The following FAM135A variants were observed in gnomAD, a reference collection of about 807,000 sequenced individuals.
FAM135A encodes the protein protein FAM135A.
A neutral mutation model predicts 146.8 loss-of-function variants in FAM135A; 79 were observed. The observed-to-expected ratio is 0.54, with a 90% CI of 0.45 to 0.65. The LOEUF is 0.65. Among genes scored for constraint, FAM135A ranks in the 30% least tolerant of loss-of-function variants. The pLI is 0.00. For missense variants in FAM135A, 1,623 were observed against 1,758.2 expected (o/e 0.92, Z 1.38); for synonymous variants, 562 against 603.6 (o/e 0.93, Z 1.01).
chr6:70,550,298 G>A (rs908721701), intron 20 of FAM135A, among the ~76,000 whole-genome samples: 2 of 152,082 alleles, frequency 1.3e-5, no homozygotes, highest in Non-Finnish European at 2.9e-5. Context: ...ATTTTACTTT[G>A]CTCAGATCCA....
chr6:70,418,307 CATTTT>C (rs1211559568), intron 2 of FAM135A: 1 of 152,130 alleles, frequency 6.6e-6, no homozygotes, highest in Non-Finnish European at 1.5e-5. Flanking sequence ...CTGGCTTGGT[CATTTT>C]ATTTAATTTA....
intron 12 of FAM135A, chr6:70,504,901 A>C (rs1459399942): frequency 6.6e-6 from 1 of 151,922 alleles, no homozygotes; most frequent in Non-Finnish European, 1.5e-5. Flanking sequence ...TGGAGGTTGC[A>C]GTGAGCTGAG....
chr6:70,524,726 G>A lies in FAM135A; in HGVS notation c.1642G>A (p.Glu548Lys). 6.5e-7 allele frequency: 1 copy of A among 1,549,692 alleles called. No individual in the cohort carries two copies. Among genetic ancestry groups the A allele is most frequent in the Non-Finnish European group, 8.7e-7 (1 of 1,146,412 alleles). The change falls in exon 15 of 22, where the codon GAA (glutamate) becomes AAA (lysine). Residue 548 changes from glutamate (E) to lysine (K), a missense_variant. Glu to Lys is a moderately conservative substitution (Grantham distance 56, BLOSUM62 1). Transcript: ENST00000418814. Reference protein sequence around the residue: ...FEGNPSHSQKEGLDPTICGYN... With the variant: ...FEGNPSHSQKKGLDPTICGYN... Reference sequence around the variant, plus strand: ...AGGCAATCCTTCACATAGTCAGAAGGAAGGTCTGGATCCCACAATATGTGG... The same window carrying A: ...AGGCAATCCTTCACATAGTCAGAAGAAAGGTCTGGATCCCACAATATGTGG...
intron 1 of FAM135A, chr6:70,414,062 C>T (rs931876100): frequency 7.1e-6 from 7 of 985,350 alleles, no homozygotes; most frequent in Non-Finnish European, 6.0e-6. Flanking sequence ...CCCTCCTTTA[C>T]CCGCTTTCGT....
At chr6:70,459,439 T>C (rs1778991040) in intron 5 of FAM135A, among the ~76,000 whole-genome samples, 1 of 152,174 alleles carries the variant, frequency 6.6e-6, no homozygotes, top group Admixed American at 6.5e-5. Context: ...GAAATATCTG[T>C]CATCTGCAAT....
chr6:70,414,821 A>C (rs949057628), intron 1 of FAM135A, among the ~76,000 whole-genome samples: 7 of 152,240 alleles, frequency 4.6e-5, no homozygotes, highest in Admixed American at 6.5e-5. Context: ...ACTTGAGTAC[A>C]GACTAAATGA....
At chr6:70,506,693 A>G (rs930422906) in intron 12 of FAM135A, among the ~76,000 whole-genome samples, 3 of 151,034 alleles carry the variant, frequency 2.0e-5, no homozygotes, top group Admixed American at 6.6e-5. Context: ...TGGGAAAGGT[A>G]ATCTTCAGGG....
At chr6:70,530,071 A>ATT (rs1795518031) in intron 16 of FAM135A, among the ~76,000 whole-genome samples, 1 of 152,160 alleles carries the variant, frequency 6.6e-6, no homozygotes, top group Non-Finnish European at 1.5e-5. Context: ...CTCAAAAAAA[A>ATT]AAATAATAAT....
intron 5 of FAM135A, among the ~76,000 whole-genome samples, chr6:70,455,892 G>A (rs1041481163): frequency 2.0e-5 from 3 of 151,812 alleles, no homozygotes; most frequent in African/African-American, 4.8e-5. Flanking sequence ...TTGCCCTATC[G>A]CCAGGCTGGA....
chr6:70,518,190 T>A (rs1216348286), intron 12 of FAM135A, among the ~76,000 whole-genome samples: 1 of 152,208 alleles, frequency 6.6e-6, no homozygotes, highest in African/African-American at 2.4e-5. Context: ...TTAGTAGTGA[T>A]GTGGGAAAAG....
chr6:70,512,021 T>A (rs1335443845), intron 12 of FAM135A, among the ~76,000 whole-genome samples: 1 of 151,968 alleles, frequency 6.6e-6, no homozygotes, highest in Non-Finnish European at 1.5e-5. Flanking sequence ...CTATATGAAC[T>A]TACTGAATTA....
chr6:70,491,136 T>C, intron 11 of FAM135A, 53 bp downstream of exon 11: 1 of 1,379,950 alleles, frequency 7.2e-7, no homozygotes, highest in Non-Finnish European at 1.0e-6. Flanking sequence ...GGTTTCTGTT[T>C]CCTATTCTAA....
At chr6:70,526,798 C>CT in intron 15 of FAM135A, 100 bp downstream of exon 15, 1 of 762,350 alleles carries the variant, frequency 1.3e-6, no homozygotes, top group Non-Finnish European at 2.0e-6. Flanking sequence ...CACACACACA[C>CT]ACACATATAT....
intron 4 of FAM135A, among the ~76,000 whole-genome samples, chr6:70,435,865 T>C (rs1194534021): frequency 2.0e-5 from 3 of 152,204 alleles, no homozygotes; most frequent in African/African-American, 7.2e-5. Context: ...TTGTCTATAA[T>C]GTCATGTATG....
chr6:70,422,672 T>G (rs1422641462), intron 2 of FAM135A, among the ~76,000 whole-genome samples: 1 of 152,244 alleles, frequency 6.6e-6, no homozygotes, highest in Non-Finnish European at 1.5e-5. Context: ...TGTTCATGCA[T>G]ATTTCTGCTT....
At chr6:70,414,203 G>A (rs1027209492) in intron 1 of FAM135A, among the ~76,000 whole-genome samples, 9 of 152,204 alleles carry the variant, frequency 5.9e-5, no homozygotes, top group African/African-American at 1.7e-4. Flanking sequence ...TACCCTGGCC[G>A]ACCAGGTTTC....
At chr6:70,514,062 A>G (rs963377209) in intron 12 of FAM135A, among the ~76,000 whole-genome samples, 2 of 151,602 alleles carry the variant, frequency 1.3e-5, no homozygotes, top group Non-Finnish European at 2.9e-5. Flanking sequence ...TATCAGTTTT[A>G]AAGAGATTTG....
intron 2 of FAM135A, among the ~76,000 whole-genome samples, chr6:70,426,038 G>A (rs1035543627): frequency 6.6e-6 from 1 of 151,828 alleles, no homozygotes; most frequent in African/African-American, 2.4e-5. Flanking sequence ...GGGAAGCGGA[G>A]CTTGCAGTGA....
intron 2 of FAM135A, among the ~76,000 whole-genome samples, chr6:70,424,387 A>G (rs1326588657): frequency 6.6e-6 from 1 of 152,248 alleles, no homozygotes; most frequent in Non-Finnish European, 1.5e-5. Context: ...CTGTGCCAGT[A>G]ACTACACCAA....
Sources: gnomAD v4.1 joint callset for allele counts (sites outside exome capture counted in the v4.1 genomes callset) on GRCh38, gnomAD v4.1.1 for gene constraint, MANE v1.5 for transcripts, NCBI Gene and HGNC (gene_info 2026-07-23, HGNC 2026-07-21) for gene names.